Variants in PABPC4L observed in about 807,000 individuals in gnomAD.
PABPC4L encodes the protein polyadenylate-binding protein 4-like.
For synonymous variants in PABPC4L, 169 were observed against 164.1 expected (o/e 1.03, Z -0.23); for missense variants, 452 against 451.4 (o/e 1.00, Z -0.01).
At position 134,198,918 on chromosome 4, in the gene PABPC4L, A is replaced by C. The variant is rs1729752600; in HGVS notation, c.*989T>G. 1 of 152,034 alleles carries C rather than the reference A, an allele frequency of 6.6e-6. No individual in the cohort carries two copies. The highest frequency in any genetic ancestry group is 2.4e-5 in the African/African-American group (1 of 41,444). The allele number at this position is 152,034 out of a possible 1,614,324, so 9.4% of individuals were successfully genotyped here. On this transcript the variant is annotated 3_prime_UTR_variant, in exon 2 of 2. Coordinates refer to ENST00000421491, the MANE Select transcript of PABPC4L (RefSeq NM_001114734.2). ...TGGGTTCCATAGCTGCCACATTCTA[A>C]TAAAAGGAGATGTGAGTACATAAAA...
the PABPC4L span, among the ~76,000 whole-genome samples, chr4:134,043,788 T>A: frequency 1.6e-3 from 243 of 152,254 alleles, no homozygotes; most frequent in Non-Finnish European, 2.4e-3. Flanking sequence ...CAACTGACCC[T>A]AATTTCTGAC....
chr4:134,116,110 A>T, the PABPC4L span, among the ~76,000 whole-genome samples: 2 of 151,776 alleles, frequency 1.3e-5, no homozygotes, highest in African/African-American at 4.8e-5. Context: ...AGACAGAAAG[A>T]ACAATTAATA....
chr4:134,182,454 G>A, the PABPC4L span, among the ~76,000 whole-genome samples: 2 of 151,902 alleles, frequency 1.3e-5, no homozygotes, highest in African/African-American at 4.8e-5. Context: ...ATCAACTCAA[G>A]ATGGATTAAG....
chr4:134,123,793 C>T, the PABPC4L span, among the ~76,000 whole-genome samples: 5 of 150,824 alleles, frequency 3.3e-5, no homozygotes, highest in African/African-American at 9.7e-5. Flanking sequence ...CAGATGTGAG[C>T]GTATTTAGTA....
At chr4:134,072,766 A>C in the PABPC4L span, among the ~76,000 whole-genome samples, 11 of 152,280 alleles carry the variant, frequency 7.2e-5, no homozygotes, top group East Asian at 1.9e-3. Flanking sequence ...GAGACTTACT[A>C]TCATGGTGAA....
chr4:134,201,083 T>C lies in PABPC4L; in HGVS notation c.-64A>G, dbSNP rs926631561. 6.4e-7 allele frequency: 1 copy of C among 1,551,200 alleles called. No individual in the cohort carries two copies. Among genetic ancestry groups the C allele is most frequent in the Admixed American group, 2.0e-5 (1 of 50,998 alleles). ...TCTTTGAGCAATCCCTGTGGGGGGA[T>C]ACTAGGTCACAGCTTTGGCCCGGTT... On this transcript the variant is annotated 5_prime_UTR_variant, in exon 2 of 2. Transcript: ENST00000421491.
chr4:134,200,256 A>C lies in PABPC4L; in HGVS notation c.764T>G (p.Ile255Arg). 1 of 1,556,080 alleles carries C rather than the reference A, an allele frequency of 6.4e-7. No homozygotes were observed. The change falls in exon 2 of 2, where the codon ATA becomes AGA. Residue 255 changes from isoleucine (I) to arginine (R), a missense_variant. Coordinates refer to ENST00000421491, the MANE Select transcript of PABPC4L (RefSeq NM_001114734.2). ...KAVEEMNGRD[I>R]NGQLIFVGRA... ...GCCTACAAAAATCAGCTGCCCATTTATGTCCCTTCCATTCATTTCTTCAAC... is the reference window on the plus strand; with the variant it reads ...GCCTACAAAAATCAGCTGCCCATTTCTGTCCCTTCCATTCATTTCTTCAAC...
At chr4:134,025,436 T>G in the PABPC4L span, among the ~76,000 whole-genome samples, 1 of 151,836 alleles carries the variant, frequency 6.6e-6, no homozygotes, top group East Asian at 2.0e-4. Flanking sequence ...GGGTAGAATA[T>G]ACCTATTTTT....
the PABPC4L span, among the ~76,000 whole-genome samples, chr4:134,178,646 T>C: frequency 6.6e-6 from 1 of 152,024 alleles, no homozygotes; most frequent in Non-Finnish European, 1.5e-5. Context: ...ATCTAAGGAT[T>C]ACAATAAAAC....
At chr4:133,970,102 T>G in the PABPC4L span, among the ~76,000 whole-genome samples, 2 of 147,812 alleles carry the variant, frequency 1.4e-5, no homozygotes, top group Non-Finnish European at 3.0e-5. Flanking sequence ...AATATATATT[T>G]ATTTATATAA....
the PABPC4L span, among the ~76,000 whole-genome samples, chr4:134,040,336 C>A: frequency 3.3e-5 from 5 of 151,912 alleles, no homozygotes; most frequent in Non-Finnish European, 7.4e-5. Flanking sequence ...ATACTACAAG[C>A]CTACAGTAAC....
At chr4:134,043,528 T>G in the PABPC4L span, among the ~76,000 whole-genome samples, 1 of 152,208 alleles carries the variant, frequency 6.6e-6, no homozygotes, top group Non-Finnish European at 1.5e-5. Flanking sequence ...AAAACACAAT[T>G]ATATTATTGC....
chr4:134,175,190 A>G, the PABPC4L span, among the ~76,000 whole-genome samples: 1 of 152,166 alleles, frequency 6.6e-6, no homozygotes, highest in African/African-American at 2.4e-5. Flanking sequence ...CGCGAAAAGT[A>G]GCTTTGAGTA....
the PABPC4L span, among the ~76,000 whole-genome samples, chr4:134,106,525 T>A: frequency 2.6e-5 from 4 of 151,506 alleles, no homozygotes; most frequent in African/African-American, 9.7e-5. Flanking sequence ...GATAATGATA[T>A]AATCATTTGC....
At chr4:134,106,277 G>T in the PABPC4L span, among the ~76,000 whole-genome samples, 230 of 151,636 alleles carry the variant, frequency 1.5e-3, 1 homozygote, top group African/African-American at 5.1e-3. Flanking sequence ...TCAGTAAAAA[G>T]ATTTACCTAC....
chr4:134,186,691 TG>T, the PABPC4L span, among the ~76,000 whole-genome samples: 1 of 151,910 alleles, frequency 6.6e-6, no homozygotes, highest in Admixed American at 6.6e-5. Context: ...AATTGACAAA[TG>T]GGATCTAATT....
the PABPC4L span, among the ~76,000 whole-genome samples, chr4:134,093,420 T>C: frequency 1.9e-4 from 29 of 151,830 alleles, no homozygotes; most frequent in African/African-American, 6.7e-4. Context: ...CATCCAAGAG[T>C]TGTTTAACAT....
the PABPC4L span, among the ~76,000 whole-genome samples, chr4:134,035,126 ACT>A: frequency 7.2e-5 from 11 of 152,044 alleles, no homozygotes; most frequent in African/African-American, 2.6e-4. Flanking sequence ...AAAGATTATG[ACT>A]CTCTAAAGGC....
chr4:133,988,118 G>A, the PABPC4L span, among the ~76,000 whole-genome samples: 27,161 of 152,040 alleles, frequency 0.18, 5,460 homozygotes, highest in East Asian at 0.48. Flanking sequence ...CCCATGACAT[G>A]TTGTGGTAAC....
Sources: allele counts gnomAD v4.1 joint callset (sites outside exome capture counted in the v4.1 genomes callset), GRCh38; gene constraint gnomAD v4.1.1; transcripts MANE v1.5; gene names NCBI Gene and HGNC (gene_info 2026-07-23, HGNC 2026-07-21).